Variants in OSBPL10 observed in about 807,000 individuals in gnomAD.
OSBPL10 encodes oxysterol-binding protein-related protein 10.
OSBPL10 carries 49 observed loss-of-function variants against 81.7 expected under a neutral mutation model. That is an observed-to-expected ratio of 0.60 (90% confidence interval 0.48 to 0.76). OSBPL10 has a LOEUF of 0.76. Among genes scored for constraint, OSBPL10 ranks in the 30% least tolerant of loss-of-function variants. The pLI is 0.00. For missense variants in OSBPL10, 923 were observed against 987.8 expected (o/e 0.93, Z 0.88); for synonymous variants, 419 against 383.6 (o/e 1.09, Z -1.08).
chr3:32,036,626 G>A (rs952932000), intron 2 of OSBPL10, among the ~76,000 whole-genome samples: 5 of 152,234 alleles, frequency 3.3e-5, no homozygotes, highest in Middle Eastern at 3.4e-3. Context: ...TCTGAGAGAC[G>A]TTTCCACTAA....
At chr3:31,751,714 T>G (rs746199119) in intron 4 of OSBPL10, among the ~76,000 whole-genome samples, 20 of 152,224 alleles carry the variant, frequency 1.3e-4, no homozygotes, top group Admixed American at 2.6e-4. Context: ...TAATACAAGC[T>G]TTACAGTGAT....
chr3:31,824,016 T>A (rs1357345846), intron 4 of OSBPL10, among the ~76,000 whole-genome samples: 1 of 152,082 alleles, frequency 6.6e-6, no homozygotes, highest in Non-Finnish European at 1.5e-5. Flanking sequence ...CACACCCAGC[T>A]ACTTTTTTGC....
chr3:31,741,069 T>C (rs1697332901), intron 5 of OSBPL10, among the ~76,000 whole-genome samples: 1 of 152,106 alleles, frequency 6.6e-6, no homozygotes, highest in Non-Finnish European at 1.5e-5. Context: ...TTGCTTAGAG[T>C]GTTGAGACCT....
In OSBPL10 at chr3:32,068,202, G is replaced by A. The variant is rs188689942; in HGVS notation, n.185+9194C>T. 1.7e-3 allele frequency among the ~76,000 whole-genome samples: 260 copies of A among 152,252 alleles called. 1 individual carries two copies. The highest frequency in any genetic ancestry group is 6.0e-3 in the African/African-American group (249 of 41,552). Reference sequence around the variant, plus strand: ...ATTTTATCTGTGGACCCAAAACTCCGGCGCCAGTCACGGACTCGGGAAGAC... The same window carrying A: ...ATTTTATCTGTGGACCCAAAACTCCAGCGCCAGTCACGGACTCGGGAAGAC... On this transcript the variant is annotated intron_variant and non_coding_transcript_variant, in intron 1 of 3. Coordinates refer to the OSBPL10 transcript ENST00000479173.
intron 4 of OSBPL10, among the ~76,000 whole-genome samples, chr3:31,781,272 G>T (rs940025254): frequency 2.0e-5 from 3 of 152,106 alleles, no homozygotes; most frequent in African/African-American, 7.2e-5. Context: ...ATTACTTTAT[G>T]ATTAAAACCC....
At chr3:31,736,890 C>A (rs1188131046) in intron 5 of OSBPL10, among the ~76,000 whole-genome samples, 2 of 152,178 alleles carry the variant, frequency 1.3e-5, no homozygotes, top group African/African-American at 2.4e-5. Flanking sequence ...CAGTAAGACC[C>A]TGTCTTTAAA....
intron 1 of OSBPL10, among the ~76,000 whole-genome samples, chr3:31,884,093 G>A (rs1385394023): frequency 6.6e-6 from 1 of 152,198 alleles, no homozygotes; most frequent in South Asian, 2.1e-4. Flanking sequence ...TTATTTAGGA[G>A]CTGGTATAAA....
intron 3 of OSBPL10, among the ~76,000 whole-genome samples, chr3:31,834,301 G>C (rs1172160506): frequency 1.3e-5 from 2 of 152,216 alleles, no homozygotes; most frequent in Non-Finnish European, 2.9e-5. Context: ...GGGGCAACTA[G>C]AAACACCAAG....
intron 7 of OSBPL10, chr3:31,700,163 T>C (rs1211319527): frequency 2.0e-5 from 3 of 152,176 alleles, no homozygotes; most frequent in Admixed American, 2.0e-4. Flanking sequence ...TAATAAACTA[T>C]AGACAGGAAA....
intron 2 of OSBPL10, among the ~76,000 whole-genome samples, chr3:31,992,145 CAAAA>C (rs527764918): frequency 3.1e-5 from 2 of 65,554 alleles, no homozygotes; most frequent in Admixed American, 1.8e-4. Context: ...GACTCCATCT[CAAAA>C]AAAAAAAAAA....
intron 1 of OSBPL10, among the ~76,000 whole-genome samples, chr3:31,980,009 TA>T (rs1312523184): frequency 2.0e-5 from 3 of 150,972 alleles, no homozygotes; most frequent in African/African-American, 7.3e-5. Context: ...TTATTTTATT[TA>T]TTTATTTTTT....
intron 3 of OSBPL10, among the ~76,000 whole-genome samples, chr3:31,838,888 G>A (rs1223578463): frequency 1.3e-5 from 2 of 152,204 alleles, no homozygotes; most frequent in Non-Finnish European, 2.9e-5. Context: ...TTGATGGGCA[G>A]TATGTATACA....
At position 31,660,835 on chromosome 3, in the gene OSBPL10, C is replaced by T. The variant is rs1204114765; in HGVS notation, c.*1237G>A. Reference sequence around the variant, plus strand: ...ACACAGACACAGATATGTATTCAATCGAAATATATTTGTCTAATATCTACA... The same window carrying T: ...ACACAGACACAGATATGTATTCAATTGAAATATATTTGTCTAATATCTACA... On this transcript the variant is annotated 3_prime_UTR_variant, in exon 12 of 12. Coordinates refer to ENST00000396556, the MANE Select transcript of OSBPL10 (RefSeq NM_017784.5). The T allele has an allele frequency of 2.0e-5, 3 of 152,526 alleles. No homozygotes were observed. The highest frequency in any genetic ancestry group is 4.4e-5 in the Non-Finnish European group (3 of 68,026). The allele number at this position is 152,526 out of a possible 1,614,324, so 9.4% of individuals were successfully genotyped here.
intron 1 of OSBPL10, among the ~76,000 whole-genome samples, chr3:31,924,590 T>C (rs1379574744): frequency 6.6e-6 from 1 of 152,212 alleles, no homozygotes; most frequent in Middle Eastern, 3.2e-3. Context: ...GGTCCATTCC[T>C]GAAACTATCT....
At chr3:31,995,912 C>T (rs575997367) in intron 2 of OSBPL10, among the ~76,000 whole-genome samples, 1 of 152,286 alleles carries the variant, frequency 6.6e-6, no homozygotes, top group South Asian at 2.1e-4. Context: ...CCATCCATGA[C>T]ATCTCCCCTT....
intron 7 of OSBPL10, among the ~76,000 whole-genome samples, chr3:31,699,434 G>T (rs1370353868): frequency 6.6e-6 from 1 of 152,172 alleles, no homozygotes; most frequent in Non-Finnish European, 1.5e-5. Context: ...CCCACAATTT[G>T]TGGAAATACA....
chr3:31,663,817 GA>G lies in OSBPL10; in HGVS notation c.2250+261del, dbSNP rs1220853358. On this transcript the variant is annotated intron_variant, in intron 11 of 11. Transcript: ENST00000396556. ...CATCGCGATCCCTCACAGGCAGGCT[GA>G]CATGCTTTTCTGACATAGGGATACT... 2.2e-6 allele frequency: 3 copies of G among 1,385,784 alleles called. No individual in the cohort carries two copies. The African/African-American group carries it at 4.4e-5, about 20-fold the overall frequency. The allele number at this position is 1,385,784 out of a possible 1,614,324, so 85.8% of individuals were successfully genotyped here. A position where few individuals can be genotyped will look rare whatever the true frequency, so the allele number is the denominator to read the frequency against.
intron 1 of OSBPL10, among the ~76,000 whole-genome samples, chr3:31,961,877 T>C (rs1698173940): frequency 6.6e-6 from 1 of 151,862 alleles, no homozygotes; most frequent in Non-Finnish European, 1.5e-5. Context: ...AAATAAGTTC[T>C]CTAATTTTGG....
intron 1 of OSBPL10, among the ~76,000 whole-genome samples, chr3:31,914,687 C>T (rs1438093477): frequency 6.6e-6 from 1 of 152,170 alleles, no homozygotes; most frequent in Non-Finnish European, 1.5e-5. Context: ...AACTAGAACT[C>T]ACTTGACCCA....
Sources: gnomAD v4.1 joint callset for allele counts (sites outside exome capture counted in the v4.1 genomes callset) on GRCh38, gnomAD v4.1.1 for gene constraint, MANE v1.5 for transcripts, NCBI Gene and HGNC (gene_info 2026-07-23, HGNC 2026-07-21) for gene names.